The following DSCAML1 variants were observed in gnomAD, a reference collection of about 807,000 sequenced individuals.
The protein encoded by DSCAML1 is cell adhesion molecule DSCAML1.
In DSCAML1, 38 loss-of-function variants were observed where a neutral mutation model predicts 200.5. The ratio of observed to expected loss-of-function variants is 0.19; its 90% confidence interval spans 0.15 to 0.25. DSCAML1 has a LOEUF of 0.25. Ranked by LOEUF, DSCAML1 falls within the 10% of genes least tolerant of loss-of-function variation. The pLI is 1.00. For synonymous variants in DSCAML1, 1,215 were observed against 1,165.0 expected (o/e 1.04, Z -0.87); for missense variants, 2,223 against 2,858.8 (o/e 0.78, Z 5.07).
At chr11:117,539,158 A>C (rs1320589596) in intron 3 of DSCAML1, among the ~76,000 whole-genome samples, 3 of 152,182 alleles carry the variant, frequency 2.0e-5, no homozygotes, top group African/African-American at 7.2e-5. Context: ...TCACGAGGAA[A>C]CTGCAACCCA....
chr11:117,707,563 C>T (rs566357606), intron 3 of DSCAML1, among the ~76,000 whole-genome samples: 42 of 152,020 alleles, frequency 2.8e-4, no homozygotes, highest in Non-Finnish European at 5.1e-4. Context: ...GAGATGGAGT[C>T]TCGCTTTGTC....
intron 3 of DSCAML1, among the ~76,000 whole-genome samples, chr11:117,543,414 GGT>G (rs2050308475): frequency 6.6e-6 from 1 of 152,014 alleles, no homozygotes; most frequent in East Asian, 1.9e-4. Context: ...TACCTGTGCT[GGT>G]GTGTGACCCT....
chr11:117,701,651 T>C (rs942218705), intron 3 of DSCAML1, among the ~76,000 whole-genome samples: 2 of 152,112 alleles, frequency 1.3e-5, no homozygotes, highest in African/African-American at 4.8e-5. Context: ...CTCACTTCCA[T>C]GTGGTTATTC....
chr11:117,485,690 A>G (rs769523432), intron 11 of DSCAML1, among the ~76,000 whole-genome samples: 8 of 152,228 alleles, frequency 5.3e-5, no homozygotes, highest in Non-Finnish European at 1.0e-4. Context: ...TTTTTTATAG[A>G]AACGTGTGAC....
intron 3 of DSCAML1, among the ~76,000 whole-genome samples, chr11:117,581,571 GCTT>G (rs999288011): frequency 6.6e-6 from 1 of 152,118 alleles, no homozygotes; most frequent in African/African-American, 2.4e-5. Context: ...TTCAAGTCTG[GCTT>G]CTTTCACTTA....
At chr11:117,710,047 G>C (rs1263332177) in intron 3 of DSCAML1, among the ~76,000 whole-genome samples, 2 of 152,206 alleles carry the variant, frequency 1.3e-5, no homozygotes, top group Non-Finnish European at 2.9e-5. Context: ...AGTCTTGGAA[G>C]ACCTTGTCCT....
intron 16 of DSCAML1, among the ~76,000 whole-genome samples, chr11:117,465,468 G>A (rs552299417): frequency 6.6e-6 from 1 of 152,228 alleles, no homozygotes; most frequent in East Asian, 1.9e-4. Context: ...CCTCTGCCGC[G>A]TCCTTGCCGA....
chr11:117,439,087 C>T (rs1385594584), intron 23 of DSCAML1, 104 bp from the exon 24 acceptor site: 3 of 1,284,768 alleles, frequency 2.3e-6, no homozygotes, highest in African/African-American at 3.0e-5. Context: ...CACACCCTCA[C>T]TCCCACTCCC....
At chr11:117,717,578 G>A (rs1288646688) in intron 3 of DSCAML1, among the ~76,000 whole-genome samples, 2 of 152,250 alleles carry the variant, frequency 1.3e-5, no homozygotes, top group Admixed American at 6.5e-5. Flanking sequence ...TGTACTGGGC[G>A]TGGGACAGGG....
At chr11:117,732,679 G>A (rs1430191147) in intron 3 of DSCAML1, among the ~76,000 whole-genome samples, 1 of 152,210 alleles carries the variant, frequency 6.6e-6, no homozygotes, top group East Asian at 1.9e-4. Flanking sequence ...TGAAAGGTCT[G>A]CAGAGGGATA....
chr11:117,736,317 C>T (rs2054315324), intron 3 of DSCAML1, among the ~76,000 whole-genome samples: 1 of 152,210 alleles, frequency 6.6e-6, no homozygotes, highest in Non-Finnish European at 1.5e-5. Context: ...GCTTCAGTTC[C>T]TCACCATGTG....
chr11:117,510,240 G>A lies in DSCAML1; in HGVS notation c.1784-4508C>T, dbSNP rs145833140. On this transcript the variant is annotated intron_variant, in intron 8 of 32. Transcript: ENST00000651296. The stretch of plus-strand genomic sequence containing the variant: ...TGCACCTGCTAGCAGAGTGTGCGCC[G>A]TGGGAAGTCTGGGCTTCTTTGCCCT... 6.6e-3 allele frequency among the ~76,000 whole-genome samples: 1,002 copies of A among 152,304 alleles called. 10 individuals are homozygous for A. Among genetic ancestry groups the A allele is most frequent in the South Asian group, 0.033 (159 of 4,818 alleles).
intron 32 of DSCAML1, among the ~76,000 whole-genome samples, chr11:117,429,373 C>A (rs1248565891): frequency 1.3e-5 from 2 of 152,204 alleles, no homozygotes; most frequent in African/African-American, 2.4e-5. Flanking sequence ...CTCTCCTCCC[C>A]CTCGGTCCCC....
chr11:117,428,263 A>G lies in DSCAML1; in HGVS notation c.*65T>C. ...TTGAATATAAATAATGCAGAAAAACAGCCGAGCTGGCGTGTGGGGCTGCGG... is the reference window on the plus strand; with the variant it reads ...TTGAATATAAATAATGCAGAAAAACGGCCGAGCTGGCGTGTGGGGCTGCGG... On this transcript the variant is annotated 3_prime_UTR_variant, in exon 33 of 33. Transcript: ENST00000651296. The G allele has an allele frequency of 2.1e-6, 2 of 930,240 alleles. No homozygotes were observed. The highest frequency in any genetic ancestry group is 1.4e-5 in the South Asian group (1 of 70,250). 57.6% of individuals were successfully genotyped at this position (930,240 alleles called of 1,614,324 possible).
At chr11:117,604,555 G>T (rs992571241) in intron 3 of DSCAML1, among the ~76,000 whole-genome samples, 1 of 152,204 alleles carries the variant, frequency 6.6e-6, no homozygotes, top group Non-Finnish European at 1.5e-5. Flanking sequence ...TCTCTCGGCC[G>T]GCAGAGCTGT....
chr11:117,770,320 C>T (rs2055014829), intron 3 of DSCAML1, among the ~76,000 whole-genome samples: 1 of 152,208 alleles, frequency 6.6e-6, no homozygotes, highest in Non-Finnish European at 1.5e-5. Context: ...ATCTATTTCC[C>T]ACTAGTGCAG....
At chr11:117,561,194 C>T (rs903420044) in intron 3 of DSCAML1, among the ~76,000 whole-genome samples, 1 of 152,190 alleles carries the variant, frequency 6.6e-6, no homozygotes, top group South Asian at 2.1e-4. Context: ...GGGAGGAGGA[C>T]CTGTGTCTTC....
chr11:117,687,679 T>C (rs1820282128), intron 3 of DSCAML1, among the ~76,000 whole-genome samples: 1 of 152,144 alleles, frequency 6.6e-6, no homozygotes, highest in African/African-American at 2.4e-5. Flanking sequence ...CTCTAAACCC[T>C]GGAAGGTTAA....
At chr11:117,479,712 G>A (rs61380407) in intron 14 of DSCAML1, among the ~76,000 whole-genome samples, 2 of 152,032 alleles carry the variant, frequency 1.3e-5, no homozygotes, top group African/African-American at 4.8e-5. Context: ...GCAATGGCAC[G>A]ATCTTGGTTC....
Sources: gnomAD v4.1 joint callset for allele counts (sites outside exome capture counted in the v4.1 genomes callset) on GRCh38, gnomAD v4.1.1 for gene constraint, MANE v1.5 for transcripts, NCBI Gene and HGNC (gene_info 2026-07-23, HGNC 2026-07-21) for gene names.